The following CTBP2 variants were observed in gnomAD, a reference collection of about 807,000 sequenced individuals.
CTBP2 encodes C-terminal-binding protein 2.
A neutral mutation model predicts 80.3 loss-of-function variants in CTBP2; 30 were observed. The observed-to-expected ratio is 0.37, with a 90% CI of 0.28 to 0.51. CTBP2 has a LOEUF of 0.51. CTBP2 is among the 20% of genes least tolerant of loss of function. CTBP2 has a pLI of 0.93. For synonymous variants in CTBP2, 594 were observed against 587.4 expected (o/e 1.01, Z -0.16); for missense variants, 1,212 against 1,375.3 (o/e 0.88, Z 1.88).
intron 1 of CTBP2, among the ~76,000 whole-genome samples, chr10:125,127,003 T>C (rs1469222211): frequency 6.6e-6 from 1 of 152,038 alleles, no homozygotes; most frequent in Non-Finnish European, 1.5e-5. Context: ...CCAGGTACTA[T>C]TAAGTAAGGA....
At chr10:125,070,106 C>T (rs1195639141) in intron 2 of CTBP2, among the ~76,000 whole-genome samples, 2 of 151,838 alleles carry the variant, frequency 1.3e-5, no homozygotes, top group Non-Finnish European at 2.9e-5. Context: ...AGTCCCAGCA[C>T]TTTGGGAGGC....
At chr10:125,097,487 C>G (rs1167562796) in intron 2 of CTBP2, among the ~76,000 whole-genome samples, 1 of 152,186 alleles carries the variant, frequency 6.6e-6, no homozygotes, top group East Asian at 1.9e-4. Context: ...ACAAGCCGCA[C>G]TCCTCAAAGC....
chr10:125,074,449 G>A (rs182214148), intron 2 of CTBP2, among the ~76,000 whole-genome samples: 3 of 152,306 alleles, frequency 2.0e-5, no homozygotes, highest in Non-Finnish European at 4.4e-5. Flanking sequence ...CTGCCTCGCG[G>A]GTTCAAGCGA....
chr10:125,152,966 AG>A (rs1373644216), intron 1 of CTBP2, among the ~76,000 whole-genome samples: 1 of 152,206 alleles, frequency 6.6e-6, no homozygotes, highest in Non-Finnish European at 1.5e-5. Flanking sequence ...CCAGCTCATT[AG>A]GAGGTGCTCC....
intron 1 of CTBP2, 117 bp from the exon 2 acceptor site, chr10:125,111,210 G>A (rs1462484668): frequency 6.6e-6 from 1 of 152,086 alleles, no homozygotes; most frequent in East Asian, 1.9e-4. Context: ...GCTACCAGAG[G>A]TTATTAAATG....
At chr10:125,112,229 C>T (rs1478132947) in intron 1 of CTBP2, among the ~76,000 whole-genome samples, 2 of 150,358 alleles carry the variant, frequency 1.3e-5, no homozygotes, top group Non-Finnish European at 1.5e-5. Context: ...TCTCCTGCCT[C>T]GGCCTCCTGA....
rs568730037 is a variant in CTBP2 at position 125,041,696 on chromosome 10, T to G, written c.-101-2541A>C. On this transcript the variant is annotated intron_variant, in intron 2 of 10. Coordinates refer to the CTBP2 transcript ENST00000337195. ...GGGGGAAGAGAATTAATCAGTTAAT[T>G]TTTGTGAAGACCTCGGAGATGAAAA... 1.9e-4 allele frequency among the ~76,000 whole-genome samples: 29 copies of G among 152,238 alleles called. No individual in the cohort carries two copies. The East Asian group carries it at 5.4e-3, about 28-fold the overall frequency.
intron 2 of CTBP2, among the ~76,000 whole-genome samples, chr10:125,091,144 T>A (rs1338056157): frequency 6.6e-6 from 1 of 152,216 alleles, no homozygotes; most frequent in Non-Finnish European, 1.5e-5. Flanking sequence ...GGTAAAATCC[T>A]GGGTGTGCAC....
At position 124,991,097 on chromosome 10, in the gene CTBP2, T is replaced by C. The variant is rs570985942; in HGVS notation, c.2778-1399A>G. Among the ~76,000 whole-genome samples the C allele has an allele frequency of 1.9e-4, 29 of 152,374 alleles. No individual in the cohort carries two copies. The South Asian group carries it at 5.8e-3, about 30-fold the overall frequency. ...TTCCTCGGAACGCCCAGGCTCGGGC[T>C]GGTTTTATATTGCAAGCACGAAGTG... is the stretch of plus-strand genomic sequence containing the variant. On this transcript the variant is annotated intron_variant, in intron 8 of 8. Transcript: ENST00000309035.
At chr10:125,005,661 A>G (rs778815721) in intron 1 of CTBP2, 117 of 1,612,774 alleles carry the variant, frequency 7.3e-5, no homozygotes, top group Non-Finnish European at 9.2e-5. Context: ...CCCGACACAC[A>G]TGGCTCCCAC....
chr10:125,144,343 A>G (rs1858370572), intron 1 of CTBP2, among the ~76,000 whole-genome samples: 1 of 152,234 alleles, frequency 6.6e-6, no homozygotes, highest in Non-Finnish European at 1.5e-5. Context: ...TCGCTCGATC[A>G]TTAATTAACT....
intron 2 of CTBP2, among the ~76,000 whole-genome samples, chr10:125,059,099 A>G (rs1964491687): frequency 6.6e-6 from 1 of 152,096 alleles, no homozygotes; most frequent in East Asian, 1.9e-4. Context: ...CGGCACTGTC[A>G]CTTTTGTCTC....
chr10:125,031,488 CAAAAAAAAAAAAA>C (rs11463934), upstream of CTBP2, among the ~76,000 whole-genome samples: 44 of 33,706 alleles, frequency 1.3e-3, no homozygotes, highest in African/African-American at 5.0e-3. Flanking sequence ...GACTCCATTT[CAAAAAAAAAAAAA>C]AAAAAAAAAA....
intron 1 of CTBP2, among the ~76,000 whole-genome samples, chr10:125,020,717 G>A (rs1417311273): frequency 6.6e-6 from 1 of 152,194 alleles, no homozygotes; most frequent in East Asian, 1.9e-4. Context: ...GATGCGGCGA[G>A]GAGCCCAGCC....
intron 2 of CTBP2, among the ~76,000 whole-genome samples, chr10:125,086,613 TAAAAAAAA>T (rs66522424): frequency 0.3 from 35,089 of 116,608 alleles, 4,732 homozygotes; most frequent in Middle Eastern, 0.35. Flanking sequence ...AAATTTTATT[TAAAAAAAA>T]AAAAAAAAAA....
chr10:125,016,075 C>A (rs189695966), intron 1 of CTBP2, among the ~76,000 whole-genome samples: 1 of 152,196 alleles, frequency 6.6e-6, no homozygotes, highest in Non-Finnish European at 1.5e-5. Context: ...CCCGGGGTGA[C>A]GGGGAAGGGG....
At chr10:125,093,245 A>G (rs148178111) in intron 2 of CTBP2, among the ~76,000 whole-genome samples, 6 of 152,354 alleles carry the variant, frequency 3.9e-5, no homozygotes, top group African/African-American at 7.2e-5. Context: ...TACTCCAGCA[A>G]TCTGAGGGTG....
chr10:125,159,924 CGCT>C (rs1227715507), intron 1 of CTBP2: 5 of 154,122 alleles, frequency 3.2e-5, no homozygotes, highest in Admixed American at 6.6e-5. Context: ...CCGCCGCCGC[CGCT>C]GCCCTCCGGA....
chr10:125,152,462 C>T (rs1292159822), intron 1 of CTBP2, among the ~76,000 whole-genome samples: 4 of 152,208 alleles, frequency 2.6e-5, no homozygotes, highest in Non-Finnish European at 5.9e-5. Context: ...CCCCCCACAC[C>T]GCGAGTCACA....
Sources: allele counts gnomAD v4.1 joint callset (sites outside exome capture counted in the v4.1 genomes callset), GRCh38; gene constraint gnomAD v4.1.1; transcripts MANE v1.5; gene names NCBI Gene and HGNC (gene_info 2026-07-23, HGNC 2026-07-21).